Variants in CDH23 observed in about 807,000 individuals in gnomAD.
CDH23 encodes cadherin-23.
In CDH23, 189 loss-of-function variants were observed where a neutral mutation model predicts 317.1. The observed-to-expected ratio is 0.60, with a 90% confidence interval of 0.53 to 0.67. The LOEUF (loss-of-function observed/expected upper bound fraction) is 0.67, where lower values mean the gene tolerates loss of function less well. Ranked by LOEUF, CDH23 falls within the 30% of genes least tolerant of loss-of-function variation. CDH23 has a pLI of 0.00. For synonymous variants in CDH23, 1,839 were observed against 1,876.8 expected (o/e 0.98, Z 0.52); for missense variants, 4,401 against 4,592.4 (o/e 0.96, Z 1.20).
intron 28 of CDH23, chr10:71,716,415 A>C: frequency 1.6e-6 from 2 of 1,246,648 alleles, no homozygotes; most frequent in Non-Finnish European, 2.2e-6. Context: ...GGGAAGACTT[A>C]CCTAGGGAAT....
chr10:71,805,990 T>C lies in CDH23; in HGVS notation c.8057T>C (p.Val2686Ala), dbSNP rs371567666. The part of the protein sequence containing the change: ...AQRLDRESQA[V>A]YSLILVASDL... ...CGCCTGGACCGCGAGTCGCAGGCGG[T>C]GTACAGCGTAAGGGCGGGGCCCGGT... The change falls in exon 56 of 70, where the codon GTG (valine) becomes GCG (alanine). Residue 2686 changes from valine to alanine, a missense_variant. Val to Ala is a moderately conservative substitution (Grantham distance 64). Transcript: ENST00000224721. 103 of 1,607,406 alleles carry C rather than the reference T, an allele frequency of 6.4e-5. No homozygotes were observed. The highest frequency in any genetic ancestry group is 7.7e-5 in the Non-Finnish European group (91 of 1,178,452).
At chr10:71,567,370 C>A (rs977178504) in intron 7 of CDH23, among the ~76,000 whole-genome samples, 4 of 152,230 alleles carry the variant, frequency 2.6e-5, no homozygotes, top group Non-Finnish European at 5.9e-5. Flanking sequence ...CTGACACCAT[C>A]CAACCTGCAG....
rs78372956 is a variant in CDH23 at position 71,491,991 on chromosome 10, A to T, written c.146-18091A>T. ...ATTGCCCTACTGCGCTGCCCAGCAC[A>T]GCTTCACAGTGGTGCCGCACCCTGG... is the stretch of plus-strand genomic sequence containing the variant. On this transcript the variant is annotated intron_variant, in intron 3 of 69. Transcript: ENST00000224721. Among the ~76,000 whole-genome samples the T allele has an allele frequency of 5.3e-3, 804 of 152,304 alleles. 35 individuals carry two copies. In the East Asian group the frequency reaches 0.12, roughly 22 times the overall value.
At chr10:71,792,370 G>A (rs1053207994) in intron 47 of CDH23, among the ~76,000 whole-genome samples, 1 of 151,892 alleles carries the variant, frequency 6.6e-6, no homozygotes, top group Non-Finnish European at 1.5e-5. Flanking sequence ...AATAAATGAA[G>A]AAAACTTAGG....
intron 19 of CDH23, among the ~76,000 whole-genome samples, chr10:71,690,115 G>A (rs1036314056): frequency 1.3e-5 from 2 of 152,176 alleles, no homozygotes; most frequent in African/African-American, 4.8e-5. Flanking sequence ...GGAATTTCAT[G>A]TCTTTTGACT....
intron 62 of CDH23, 83 bp downstream of exon 62, chr10:71,810,652 AG>A (rs1841888334): frequency 2.1e-5 from 26 of 1,251,328 alleles, no homozygotes; most frequent in African/African-American, 2.9e-5. Context: ...GACACACCAA[AG>A]GAGACACAGA....
At chr10:71,669,996 G>A (rs112099991) in intron 14 of CDH23, among the ~76,000 whole-genome samples, 28 of 85,144 alleles carry the variant, frequency 3.3e-4, no homozygotes, top group East Asian at 2.8e-3. Flanking sequence ...GCGAGACTCC[G>A]TCTCAAAAAA....
At chr10:71,743,235 G>T (rs9415990) in intron 38 of CDH23, among the ~76,000 whole-genome samples, 19,059 of 152,266 alleles carry the variant, frequency 0.13, 1,459 homozygotes, top group East Asian at 0.17. Context: ...TACAAGGAAG[G>T]TGAAGAGTTC....
At chr10:71,762,113 C>T in intron 38 of CDH23, 1 of 1,418,062 alleles carries the variant, frequency 7.1e-7, no homozygotes. Context: ...TTAGCCTCTG[C>T]TACTTCCCAG....
intron 1 of CDH23, among the ~76,000 whole-genome samples, chr10:71,406,018 A>ATT (rs10659003): frequency 0.3 from 44,836 of 147,396 alleles, 6,927 homozygotes; most frequent in Middle Eastern, 0.4. Context: ...AAAGCAGGTA[A>ATT]TTTTTTTTTT....
chr10:71,525,080 G>A (rs908296720), intron 6 of CDH23, among the ~76,000 whole-genome samples: 1 of 150,144 alleles, frequency 6.7e-6, no homozygotes, highest in African/African-American at 2.5e-5. Flanking sequence ...GCTAATTTTT[G>A]TATTTTTAGT....
intron 48 of CDH23, among the ~76,000 whole-genome samples, chr10:71,793,983 T>C (rs976030329): frequency 3.3e-5 from 5 of 152,158 alleles, no homozygotes; most frequent in Admixed American, 6.5e-5. Flanking sequence ...CCTTGTTTGT[T>C]CTTTTGTTTT....
chr10:71,408,966 T>C (rs1040098837), intron 1 of CDH23, among the ~76,000 whole-genome samples: 1 of 152,244 alleles, frequency 6.6e-6, no homozygotes, highest in Non-Finnish European at 1.5e-5. Context: ...TGTGTGTGTG[T>C]GCATGTGCAT....
At chr10:71,490,277 T>C (rs1852582953) in intron 3 of CDH23, among the ~76,000 whole-genome samples, 1 of 152,218 alleles carries the variant, frequency 6.6e-6, no homozygotes, top group South Asian at 2.1e-4. Context: ...TGTTTGCAAA[T>C]TTCAAGTTGA....
In CDH23 at chr10:71,645,838, A is replaced by G; in HGVS notation, c.1148A>G (p.Asn383Ser). ...TCTGCACTCTTGACCCAGGGCCTGA[A>G]CAGCATGTTTGAGGTGTACTTGGTG... ...VVDKDENLGL[N>S]SMFEVYLVGN... is the part of the protein sequence containing the mutation. The change falls in exon 13 of 70, where the codon AAC becomes AGC. Residue 383 changes from asparagine to serine, a missense_variant. Transcript: ENST00000224721. 6.2e-7 allele frequency: 1 copy of G among 1,610,622 alleles called. No individual in the cohort carries two copies. The highest frequency in any genetic ancestry group is 1.7e-4 in the Middle Eastern group (1 of 6,048).
At chr10:71,779,914 A>G (rs1173354603) in intron 41 of CDH23, among the ~76,000 whole-genome samples, 1 of 152,224 alleles carries the variant, frequency 6.6e-6, no homozygotes, top group East Asian at 1.9e-4. Context: ...CTTGGCCTTG[A>G]GGGCAACTTC....
intron 1 of CDH23, among the ~76,000 whole-genome samples, chr10:71,398,786 G>A (rs1006608531): frequency 1.3e-5 from 2 of 152,136 alleles, no homozygotes; most frequent in East Asian, 3.9e-4. Context: ...AGAGTGTCTC[G>A]TGGTAGAGGG....
chr10:71,632,958 C>T (rs1206349406), intron 11 of CDH23, among the ~76,000 whole-genome samples: 1 of 152,100 alleles, frequency 6.6e-6, no homozygotes, highest in African/African-American at 2.4e-5. Context: ...CTGGTGAGGG[C>T]CCTCTTGCTG....
chr10:71,619,168 C>G (rs1256256609), intron 11 of CDH23, among the ~76,000 whole-genome samples: 1 of 152,068 alleles, frequency 6.6e-6, no homozygotes, highest in African/African-American at 2.4e-5. Context: ...AACCCCATCT[C>G]TACTAAAAAT....
Sources: gnomAD v4.1 joint callset for allele counts (sites outside exome capture counted in the v4.1 genomes callset) on GRCh38, gnomAD v4.1.1 for gene constraint, MANE v1.5 for transcripts, NCBI Gene and HGNC (gene_info 2026-07-23, HGNC 2026-07-21) for gene names.